The following CRPPA variants were observed in gnomAD, a reference collection of about 807,000 sequenced individuals.
The protein encoded by CRPPA is CDP-L-ribitol pyrophosphorylase A, also known as D-ribitol-5-phosphate cytidylyltransferase.
CRPPA carries 43 observed loss-of-function variants against 52.0 expected under a neutral mutation model. The observed-to-expected ratio is 0.83, with a 90% CI of 0.65 to 1.07. The LOEUF (loss-of-function observed/expected upper bound fraction) is 1.07, where lower values mean the gene tolerates loss of function less well. Among genes scored for constraint, CRPPA ranks in the 50% least tolerant of loss-of-function variants. The probability of loss-of-function intolerance (pLI) is 0.00; values close to 1 mark genes in which losing one functional copy is unlikely to be tolerated. For synonymous variants in CRPPA, 250 were observed against 203.5 expected (o/e 1.23, Z -1.94); for missense variants, 629 against 551.7 (o/e 1.14, Z -1.40).
chr7:16,151,859 C>T (rs1453277372), intron 9 of CRPPA, among the ~76,000 whole-genome samples: 3 of 151,878 alleles, frequency 2.0e-5, no homozygotes, highest in Non-Finnish European at 4.4e-5. Context: ...TTACAATATA[C>T]TACCATGTCT....
At chr7:16,342,024 C>G (rs548374982) in intron 3 of CRPPA, among the ~76,000 whole-genome samples, 1 of 152,210 alleles carries the variant, frequency 6.6e-6, no homozygotes, top group South Asian at 2.1e-4. Flanking sequence ...GCATATTGGT[C>G]TCTGCTGCAC....
intron 3 of CRPPA, among the ~76,000 whole-genome samples, chr7:16,351,691 T>C (rs1219991508): frequency 1.3e-5 from 2 of 151,974 alleles, no homozygotes; most frequent in Admixed American, 6.5e-5. Flanking sequence ...ATTAGAGAAA[T>C]ACAAATCAAA....
At chr7:16,324,064 T>C (rs1030797184) in intron 3 of CRPPA, among the ~76,000 whole-genome samples, 5 of 152,224 alleles carry the variant, frequency 3.3e-5, no homozygotes, top group East Asian at 1.9e-4. Flanking sequence ...TCTTGTGAGA[T>C]GGATCATGAC....
At chr7:16,184,001 G>A (rs1781459404) in intron 9 of CRPPA, among the ~76,000 whole-genome samples, 1 of 152,026 alleles carries the variant, frequency 6.6e-6, no homozygotes, top group South Asian at 2.1e-4. Flanking sequence ...GACTGTAGTG[G>A]CGTGAACTCG....
chr7:16,161,526 G>A (rs1783304923), intron 9 of CRPPA, among the ~76,000 whole-genome samples: 3 of 152,156 alleles, frequency 2.0e-5, no homozygotes, highest in Non-Finnish European at 4.4e-5. Context: ...GTATCCCAGG[G>A]ATGAAGCCAA....
At chr7:16,327,068 C>G (rs1785412590) in intron 3 of CRPPA, among the ~76,000 whole-genome samples, 1 of 152,088 alleles carries the variant, frequency 6.6e-6, no homozygotes, top group Non-Finnish European at 1.5e-5. Context: ...CACAACTTAA[C>G]TTTTTGTTCT....
chr7:16,114,066 T>G (rs1024393101), intron 9 of CRPPA, among the ~76,000 whole-genome samples: 1 of 151,892 alleles, frequency 6.6e-6, no homozygotes, highest in South Asian at 2.1e-4. Context: ...GCTCTAAGAT[T>G]CATAAAAGTG....
chr7:16,100,509 T>C (rs1298980810), intron 9 of CRPPA, among the ~76,000 whole-genome samples: 1 of 152,228 alleles, frequency 6.6e-6, no homozygotes, highest in Non-Finnish European at 1.5e-5. Context: ...AGGTGACCTT[T>C]TAGCTTACCT....
chr7:16,095,634 C>A (rs1781921426), intron 9 of CRPPA, among the ~76,000 whole-genome samples: 1 of 152,032 alleles, frequency 6.6e-6, no homozygotes, highest in Non-Finnish European at 1.5e-5. Context: ...GAAAGAAGAG[C>A]CTCCTAACAT....
intron 8 of CRPPA, among the ~76,000 whole-genome samples, chr7:16,254,469 T>C (rs1336122724): frequency 2.0e-5 from 3 of 152,046 alleles, no homozygotes; most frequent in African/African-American, 7.2e-5. Context: ...ACCATCATTC[T>C]GAGCAAACTA....
intron 3 of CRPPA, among the ~76,000 whole-genome samples, chr7:16,335,154 C>CAAAAAAAAA (rs60632334): frequency 2.3e-4 from 22 of 93,780 alleles, no homozygotes; most frequent in East Asian, 3.9e-4. Flanking sequence ...CCCATCTCTA[C>CAAAAAAAAA]AAAAAAAAAA....
At chr7:16,221,551 C>G (rs1000018520) in intron 8 of CRPPA, among the ~76,000 whole-genome samples, 12 of 152,112 alleles carry the variant, frequency 7.9e-5, no homozygotes, top group South Asian at 2.1e-4. Context: ...ACTCATCTGA[C>G]AAAGGGCTAA....
At chr7:16,267,977 T>C (rs1383104929) in intron 6 of CRPPA, among the ~76,000 whole-genome samples, 2 of 152,182 alleles carry the variant, frequency 1.3e-5, no homozygotes, top group Admixed American at 6.5e-5. Context: ...TATTTCATTT[T>C]ATGTAACGGA....
intron 3 of CRPPA, among the ~76,000 whole-genome samples, chr7:16,355,404 C>G (rs1355061877): frequency 6.6e-6 from 1 of 152,178 alleles, no homozygotes; most frequent in African/African-American, 2.4e-5. Context: ...TACAACTCAT[C>G]ATGTACTTTA....
intron 3 of CRPPA, among the ~76,000 whole-genome samples, chr7:16,349,860 C>T (rs954690614): frequency 6.6e-6 from 1 of 151,896 alleles, no homozygotes. Flanking sequence ...TAATAACAAA[C>T]TTCCCAAGGC....
intron 8 of CRPPA, among the ~76,000 whole-genome samples, chr7:16,246,980 C>A (rs1783293138): frequency 6.6e-6 from 1 of 152,184 alleles, no homozygotes; most frequent in Non-Finnish European, 1.5e-5. Flanking sequence ...CTTCTCTGTC[C>A]ATAAAAGCCC....
chr7:16,224,686 A>T (rs1465522565), intron 8 of CRPPA, among the ~76,000 whole-genome samples: 3 of 152,152 alleles, frequency 2.0e-5, no homozygotes, highest in Non-Finnish European at 4.4e-5. Flanking sequence ...TCTTCAAAAC[A>T]TCACTTTTCA....
intron 6 of CRPPA, chr7:16,270,594 A>C (rs2128415889): frequency 6.6e-6 from 1 of 152,234 alleles, no homozygotes; most frequent in East Asian, 1.9e-4. Flanking sequence ...AAATAAATCA[A>C]ATGGATTTAA....
rs12673171 is a variant in CRPPA, at chr7:16,348,223, G to T, written c.684+27869C>A. ...TATTAATTTATCCTGAAAAGAATTT[G>T]TCTGTCCATTGAATGCTCAACTTTT... On this transcript the variant is annotated intron_variant, in intron 3 of 9. Coordinates refer to ENST00000407010, the MANE Select transcript of CRPPA (RefSeq NM_001101426.4). Among the ~76,000 whole-genome samples the T allele has an allele frequency of 3.3e-5, 5 of 152,134 alleles. No individual in the cohort carries two copies. In the East Asian group the frequency reaches 9.7e-4, roughly 30 times the overall value.
Sources: allele counts gnomAD v4.1 joint callset (sites outside exome capture counted in the v4.1 genomes callset), GRCh38; gene constraint gnomAD v4.1.1; transcripts MANE v1.5; gene names NCBI Gene and HGNC (gene_info 2026-07-23, HGNC 2026-07-21).